Variants in ADGRD1 observed in about 807,000 individuals in gnomAD.
ADGRD1 encodes the protein adhesion G protein-coupled receptor D1, also known as G-protein coupled receptor 133.
In ADGRD1, 77 loss-of-function variants were observed where a neutral mutation model predicts 113.4. That is an observed-to-expected ratio of 0.68 (90% CI 0.57 to 0.82). ADGRD1 has a LOEUF of 0.82. Ranked by LOEUF, ADGRD1 falls within the 40% of genes least tolerant of loss-of-function variation. The pLI is 0.00. For missense variants in ADGRD1, 1,036 were observed against 1,139.1 expected (o/e 0.91, Z 1.30); for synonymous variants, 474 against 475.0 (o/e 1.00, Z 0.03).
chr12:130,954,733 C>G lies in ADGRD1; in HGVS notation c.103+73C>G, dbSNP rs1386553501. 2.8e-6 allele frequency: 4 copies of G among 1,420,256 alleles called. No individual in the cohort carries two copies. In the Admixed American group the frequency reaches 6.7e-5, roughly 24 times the overall value. 88.0% of individuals were successfully genotyped at this position (1,420,256 alleles called of 1,614,324 possible). A position where few individuals can be genotyped will look rare whatever the true frequency, so the allele number is the denominator to read the frequency against. On this transcript the variant is annotated intron_variant, in intron 2 of 24. Transcript: ENST00000261654. The surrounding 1 kb of genome is among the most constrained non-coding windows in gnomAD (Gnocchi z 4.7). Reference sequence around the variant, plus strand: ...GTGCAGGTATCTCAGGAACAGCCCACTTGTTCATCTCTGAGGCATCAGCGA... The same window carrying G: ...GTGCAGGTATCTCAGGAACAGCCCAGTTGTTCATCTCTGAGGCATCAGCGA...
intron 12 of ADGRD1, among the ~76,000 whole-genome samples, chr12:131,012,837 G>C (rs1408112326): frequency 6.6e-6 from 1 of 152,226 alleles, no homozygotes; most frequent in Non-Finnish European, 1.5e-5. Context: ...TTTGGATGGT[G>C]GACGGGGGAG....
intron 13 of ADGRD1, among the ~76,000 whole-genome samples, chr12:131,061,472 G>C (rs1884326136): frequency 6.6e-6 from 1 of 152,158 alleles, no homozygotes; most frequent in African/African-American, 2.4e-5. Context: ...GTTTCCCCCA[G>C]CTAGAAATCT....
At chr12:131,043,139 C>T (rs971317193) in intron 13 of ADGRD1, among the ~76,000 whole-genome samples, 3 of 152,170 alleles carry the variant, frequency 2.0e-5, no homozygotes, top group Admixed American at 6.5e-5. Context: ...GGGTTGGGAG[C>T]GAGACAGGCC....
At chr12:131,093,387 G>A (rs1372620527) in intron 15 of ADGRD1, among the ~76,000 whole-genome samples, 1 of 152,204 alleles carries the variant, frequency 6.6e-6, no homozygotes, top group African/African-American at 2.4e-5. Flanking sequence ...GGCACACCAC[G>A]CCTTCCTGAG....
intron 15 of ADGRD1, among the ~76,000 whole-genome samples, chr12:131,094,423 C>T (rs1725826): frequency 0.06 from 9,148 of 152,080 alleles, 300 homozygotes; most frequent in Non-Finnish European, 0.07. Flanking sequence ...CGGGGCAGGA[C>T]GGTCTATTGC....
At position 131,084,096 on chromosome 12, in the gene ADGRD1, C is replaced by T. The variant is rs1886272944; in HGVS notation, c.1548-444C>T. On this transcript the variant is annotated intron_variant, in intron 14 of 24. Transcript: ENST00000261654. This position sits in a 1 kb window ranked among gnomAD's most constrained non-coding sequence, Gnocchi z 4.5. ...TCATATTTCTCTCTCCCACACTGCA[C>T]TCACCCGTTTCCCCCGATGGGCATT... 6.6e-6 allele frequency among the ~76,000 whole-genome samples: 1 copy of T among 152,250 alleles called. No individual in the cohort carries two copies. The highest frequency in any genetic ancestry group is 1.5e-5 in the Non-Finnish European group (1 of 68,052).
intron 18 of ADGRD1, among the ~76,000 whole-genome samples, chr12:131,115,143 C>T (rs903616525): frequency 6.6e-6 from 1 of 152,196 alleles, no homozygotes; most frequent in East Asian, 1.9e-4. Context: ...CAGCTTCCAT[C>T]CCTCTTTGGT....
At chr12:131,032,335 C>T (rs1425343823) in intron 13 of ADGRD1, among the ~76,000 whole-genome samples, 2 of 151,986 alleles carry the variant, frequency 1.3e-5, no homozygotes, top group Admixed American at 6.5e-5. Context: ...CCTAGATCCT[C>T]CACGAGCACG....
chr12:131,042,895 G>A (rs750455354), intron 13 of ADGRD1, among the ~76,000 whole-genome samples: 7 of 152,372 alleles, frequency 4.6e-5, no homozygotes, highest in Non-Finnish European at 1.0e-4. Context: ...TAGGGCCTGC[G>A]GGCACAGCTG....
chr12:131,074,370 C>G (rs564197182), intron 13 of ADGRD1, among the ~76,000 whole-genome samples: 3 of 152,352 alleles, frequency 2.0e-5, no homozygotes, highest in Non-Finnish European at 4.4e-5. Flanking sequence ...CTCAGCAGCC[C>G]CTGGCTTGAG....
At chr12:131,085,197 AC>A (rs1886371493) in intron 15 of ADGRD1, among the ~76,000 whole-genome samples, 1 of 152,256 alleles carries the variant, frequency 6.6e-6, no homozygotes, top group African/African-American at 2.4e-5. Flanking sequence ...GGCTGTGTTC[AC>A]GGAGTGGTGA....
Position 131,105,869 on chromosome 12 carries a change from A to T in ADGRD1, c.1887+4A>T. On this transcript the variant is annotated splice_donor_region_variant and intron_variant, in intron 17 of 24. Transcript: ENST00000261654. ...TTTCCGCCTCGAGCCGGGCACGGTGAGTGGGCGCAGCTCCGTGTTCCTGCG... is the reference window on the plus strand; with the variant it reads ...TTTCCGCCTCGAGCCGGGCACGGTGTGTGGGCGCAGCTCCGTGTTCCTGCG... 6.3e-7 allele frequency: 1 copy of T among 1,587,500 alleles called. No individual in the cohort carries two copies. Among genetic ancestry groups the T allele is most frequent in the Non-Finnish European group, 8.5e-7 (1 of 1,170,982 alleles).
intron 20 of ADGRD1, among the ~76,000 whole-genome samples, chr12:131,122,277 G>T (rs1950616599): frequency 6.6e-6 from 1 of 152,126 alleles, no homozygotes; most frequent in African/African-American, 2.4e-5. Context: ...AAGGCTTGTG[G>T]CATCAGAGCC....
intron 13 of ADGRD1, among the ~76,000 whole-genome samples, chr12:131,016,573 C>T (rs1170460647): frequency 1.3e-5 from 2 of 152,372 alleles, no homozygotes; most frequent in East Asian, 3.9e-4. Flanking sequence ...TAGGGCAGTG[C>T]TGCCCCGCGG....
At chr12:131,054,751 G>T (rs1009522899) in intron 13 of ADGRD1, among the ~76,000 whole-genome samples, 2 of 152,180 alleles carry the variant, frequency 1.3e-5, no homozygotes, top group African/African-American at 4.8e-5. Flanking sequence ...CAGGGTCTCT[G>T]CCGGGTCTTG....
In ADGRD1 at chr12:131,003,968, C is replaced by T. The variant is rs1876740317; in HGVS notation, c.1145-218C>T. Among the ~76,000 whole-genome samples, 1 of 149,830 alleles carries T rather than the reference C, an allele frequency of 6.7e-6. No individual in the cohort carries two copies. Among genetic ancestry groups the T allele is most frequent in the South Asian group, 2.1e-4 (1 of 4,782 alleles). The stretch of plus-strand genomic sequence containing the variant: ...GGTGAGGAGCCGCGCGCCCGTGGGC[C>T]GGAATGCTGAGCCTCCCCGTGGCAG... On this transcript the variant is annotated intron_variant, in intron 10 of 24. Transcript: ENST00000261654. The surrounding 1 kb of genome is among the most constrained non-coding windows in gnomAD (Gnocchi z 4.8).
Position 131,084,433 on chromosome 12 carries a change from C to T in ADGRD1, c.1548-107C>T, listed in dbSNP as rs1886301809. 1 of 1,235,364 alleles carries T rather than the reference C, an allele frequency of 8.1e-7. No homozygotes were observed. The highest frequency in any genetic ancestry group is 1.2e-6 in the Non-Finnish European group (1 of 859,770). 76.5% of individuals were successfully genotyped at this position (1,235,364 alleles called of 1,614,324 possible). ...ATTCCTGGCGTGGCAGGTGTGGGCGCCGCCATGAGTTCACGGGGCCATGTG... is the reference window on the plus strand; with the variant it reads ...ATTCCTGGCGTGGCAGGTGTGGGCGTCGCCATGAGTTCACGGGGCCATGTG... On this transcript the variant is annotated intron_variant, in intron 14 of 24. Coordinates refer to ENST00000261654, the MANE Select transcript of ADGRD1 (RefSeq NM_198827.5). The surrounding 1 kb of genome is among the most constrained non-coding windows in gnomAD (Gnocchi z 4.5).
At chr12:131,013,459 T>A (rs1182199884) in intron 12 of ADGRD1, among the ~76,000 whole-genome samples, 1 of 152,078 alleles carries the variant, frequency 6.6e-6, no homozygotes. Flanking sequence ...TGAGGGTCTT[T>A]GAGCCCTCAT....
intron 6 of ADGRD1, chr12:130,990,075 T>G (rs1364975242): frequency 6.6e-6 from 1 of 152,214 alleles, no homozygotes; most frequent in Non-Finnish European, 1.5e-5. Flanking sequence ...TATCCCTCAC[T>G]CTGCTTTGTG....
Sources: gnomAD v4.1 joint callset for allele counts (sites outside exome capture counted in the v4.1 genomes callset) on GRCh38, gnomAD v4.1.1 for gene constraint, Gnocchi (gnomAD v3.1) non-coding constraint, MANE v1.5 for transcripts, NCBI Gene and HGNC (gene_info 2026-07-23, HGNC 2026-07-21) for gene names.